Variants in XRN1 observed in about 807,000 individuals in gnomAD.
XRN1 encodes strand-exchange protein 1 homolog.
Under a neutral mutation model 222.3 loss-of-function variants are expected in XRN1, and 67 were observed. That is an observed-to-expected ratio of 0.30 (90% CI 0.25 to 0.37). XRN1 has a LOEUF of 0.37. Among genes scored for constraint, XRN1 ranks in the 10% least tolerant of loss-of-function variants. The pLI, the probability that XRN1 is intolerant of heterozygous loss-of-function variation, is 1.00. For missense variants in XRN1, 1,707 were observed against 2,000.2 expected (o/e 0.85, Z 2.80); for synonymous variants, 643 against 652.4 (o/e 0.99, Z 0.22).
intron 15 of XRN1, among the ~76,000 whole-genome samples, chr3:142,405,328 A>C (rs2068301316): frequency 6.6e-6 from 1 of 152,192 alleles, no homozygotes; most frequent in African/African-American, 2.4e-5. Context: ...GTTGCCACTA[A>C]AGTGCAAATA....
intron 22 of XRN1, among the ~76,000 whole-genome samples, chr3:142,382,599 G>A (rs1406776611): frequency 6.6e-6 from 1 of 152,040 alleles, no homozygotes; most frequent in African/African-American, 2.4e-5. Flanking sequence ...GGTTCATCTT[G>A]TATCTTCCCT....
At position 142,364,091 on chromosome 3, in the gene XRN1, TACTTA is replaced by T. The variant is rs1031383050; in HGVS notation, c.3394+951_3394+955del. 1.2e-4 allele frequency among the ~76,000 whole-genome samples: 18 copies of T among 152,342 alleles called. No homozygotes were observed. The South Asian group carries it at 2.7e-3, about 23-fold the overall frequency. On this transcript the variant is annotated intron_variant, in intron 29 of 40. Coordinates refer to ENST00000392981, the MANE Select transcript of XRN1 (RefSeq NM_001282857.2). ...CTTATCTATGTAAACACAGGAAGAT[TACTTA>T]ACTTATCAGGTGAGGAAATAACACC...
chr3:142,325,192 A>G (rs1052355319), intron 37 of XRN1, among the ~76,000 whole-genome samples: 3 of 152,118 alleles, frequency 2.0e-5, no homozygotes, highest in African/African-American at 7.2e-5. Context: ...CCAACAATGT[A>G]TGAGGGTTTC....
At chr3:142,323,973 C>G (rs2862746) in intron 37 of XRN1, among the ~76,000 whole-genome samples, 91,586 of 151,744 alleles carry the variant, frequency 0.6, 28,639 homozygotes, top group African/African-American at 0.78. Flanking sequence ...GATCAAATCA[C>G]AGTAACTGAG....
chr3:142,427,465 G>T (rs2069307118), intron 2 of XRN1, among the ~76,000 whole-genome samples: 1 of 151,924 alleles, frequency 6.6e-6, no homozygotes. Flanking sequence ...AAGATCAAAA[G>T]TATAGCTTTA....
At chr3:142,433,209 G>C (rs1054998007) in intron 1 of XRN1, among the ~76,000 whole-genome samples, 1 of 152,000 alleles carries the variant, frequency 6.6e-6, no homozygotes, top group Non-Finnish European at 1.5e-5. Flanking sequence ...TATTAGTTTC[G>C]TTCCTTCCTA....
At chr3:142,418,654 G>C in intron 11 of XRN1, 45 bp from the exon 12 acceptor site, 1 of 1,504,906 alleles carries the variant, frequency 6.6e-7, no homozygotes, top group South Asian at 1.2e-5. Context: ...ATTATGAATA[G>C]CCTGTTTTTC....
In XRN1 at chr3:142,335,511, TAG is replaced by T. The variant is rs755792056; in HGVS notation, c.3878-4_3878-3del. The T allele has an allele frequency of 6.2e-7, 1 of 1,612,164 alleles. No homozygotes were observed. Among genetic ancestry groups the T allele is most frequent in the Non-Finnish European group, 8.5e-7 (1 of 1,179,326 alleles). On this transcript the variant is annotated splice_region_variant and splice_polypyrimidine_tract_variant and intron_variant, in intron 33 of 40. Transcript: ENST00000392981. ...TAGGACTCTTACACTCTTCTTTAACTAGAGACAAGAAAACAGAAATTTTCATA... is the reference window on the plus strand; with the variant it reads ...TAGGACTCTTACACTCTTCTTTAACTAGACAAGAAAACAGAAATTTTCATA...
chr3:142,400,157 C>CTAAG (rs1159613912), intron 19 of XRN1, among the ~76,000 whole-genome samples: 1 of 151,938 alleles, frequency 6.6e-6, no homozygotes, highest in Non-Finnish European at 1.5e-5. Flanking sequence ...AATGTATTTG[C>CTAAG]TAAGTAATAT....
rs138293678 is a variant in XRN1 at position 142,430,019 on chromosome 3, T to C, written c.308+2642A>G. Reference sequence around the variant, plus strand: ...CTTCCTAATTGCTGAATTGTAACTATAGTGATGTATTCTTAGAGCCCCAAG... The same window carrying C: ...CTTCCTAATTGCTGAATTGTAACTACAGTGATGTATTCTTAGAGCCCCAAG... On this transcript the variant is annotated intron_variant, in intron 2 of 40. Transcript: ENST00000392981. Among the ~76,000 whole-genome samples the C allele has an allele frequency of 1.5e-3, 230 of 152,298 alleles. 3 individuals carry two copies. Among genetic ancestry groups the C allele is most frequent in the African/African-American group, 5.3e-3 (219 of 41,562 alleles).
chr3:142,380,218 G>C, intron 22 of XRN1, 38 bp from the exon 23 acceptor site: 1 of 1,515,398 alleles, frequency 6.6e-7, no homozygotes, highest in Non-Finnish European at 9.1e-7. Flanking sequence ...GTCTCTTTCA[G>C]TACATTTTAT....
chr3:142,419,826 A>G (rs1404840805), intron 10 of XRN1, among the ~76,000 whole-genome samples: 5 of 151,876 alleles, frequency 3.3e-5, no homozygotes, highest in African/African-American at 9.7e-5. Context: ...AAAAAAAGAA[A>G]CTCAGCAGAA....
At chr3:142,358,571 T>C (rs1198573809) in intron 30 of XRN1, among the ~76,000 whole-genome samples, 1 of 152,130 alleles carries the variant, frequency 6.6e-6, no homozygotes, top group Admixed American at 6.6e-5. Flanking sequence ...TATCAGTCAG[T>C]AAATTCACTG....
rs2070602430 is a variant in XRN1, at chr3:142,447,940, C to G, written c.5G>C (p.Gly2Ala). ...GATCCATCTGTAAAACTTGGGGACT[C>G]CCATTTCGATCGTCAACACTAATCC... M[G>A]VPKFYRWISE... The change falls in exon 1 of 41, where the codon GGA (glycine) becomes GCA (alanine). Residue 2 changes from glycine to alanine, a missense_variant. Gly to Ala is a moderately conservative substitution (Grantham distance 60, BLOSUM62 0). Coordinates refer to ENST00000392981, the MANE Select transcript of XRN1 (RefSeq NM_001282857.2). This position sits in a 1 kb window ranked among gnomAD's most constrained non-coding sequence, Gnocchi z 4.2. The G allele has an allele frequency of 6.2e-7, 1 of 1,613,784 alleles. No homozygotes were observed. The highest frequency in any genetic ancestry group is 8.5e-7 in the Non-Finnish European group (1 of 1,179,982).
At chr3:142,356,663 G>A (rs7647329) in intron 31 of XRN1, among the ~76,000 whole-genome samples, 57,786 of 152,006 alleles carry the variant, frequency 0.38, 11,020 homozygotes, top group Middle Eastern at 0.47. Context: ...GAGAAAGCAT[G>A]GACATTCTTA....
At chr3:142,383,786 C>T (rs2067389338) in intron 21 of XRN1, among the ~76,000 whole-genome samples, 1 of 152,144 alleles carries the variant, frequency 6.6e-6, no homozygotes, top group African/African-American at 2.4e-5. Context: ...TATAACACCC[C>T]AAATTACAGG....
chr3:142,423,723 T>G, intron 5 of XRN1, 81 bp from the exon 6 acceptor site: 1 of 1,056,078 alleles, frequency 9.5e-7, no homozygotes, highest in Non-Finnish European at 1.3e-6. Flanking sequence ...AAAAAACAAT[T>G]CTATACAAGG....
intron 29 of XRN1, among the ~76,000 whole-genome samples, chr3:142,362,792 ACAGGGTCT>A (rs2107853900): frequency 8.9e-6 from 1 of 111,880 alleles, no homozygotes. Context: ...TCTTTTTTTG[ACAGGGTCT>A]CAGTCTGTCA....
At chr3:142,424,997 T>G (rs1465169223) in intron 5 of XRN1, among the ~76,000 whole-genome samples, 1 of 152,086 alleles carries the variant, frequency 6.6e-6, no homozygotes, top group Non-Finnish European at 1.5e-5. Flanking sequence ...AGCACTAGGA[T>G]TAGTCACACC....
Sources: allele counts gnomAD v4.1 joint callset (sites outside exome capture counted in the v4.1 genomes callset), GRCh38; gene constraint gnomAD v4.1.1; non-coding constraint Gnocchi (gnomAD v3.1); transcripts MANE v1.5; gene names NCBI Gene and HGNC (gene_info 2026-07-23, HGNC 2026-07-21).